Variants in ANOS1 observed in about 807,000 individuals in gnomAD.
ANOS1 encodes anosmin-1.
A neutral mutation model predicts 59.0 loss-of-function variants in ANOS1; 6 were observed. The ratio of observed to expected loss-of-function variants is 0.10; its 90% CI spans 0.06 to 0.20. ANOS1 has a LOEUF of 0.20. ANOS1 is among the 10% of genes least tolerant of loss of function. The pLI is 1.00. For missense variants in ANOS1, 433 were observed against 542.3 expected (o/e 0.80, Z 2.00); for synonymous variants, 217 against 223.4 (o/e 0.97, Z 0.25).
chrX:8,689,783 A>G (rs1439011952), intron 2 of ANOS1, among the ~76,000 whole-genome samples: 1 of 110,028 alleles, frequency 9.1e-6, no homozygotes, highest in Non-Finnish European at 1.9e-5. Context: ...AACAAAAAAA[A>G]AAAAGAGAGA....
chrX:8,638,907 G>A (rs1931614556), intron 2 of ANOS1, among the ~76,000 whole-genome samples: 1 of 111,148 alleles, frequency 9.0e-6, no homozygotes, highest in South Asian at 3.9e-4. Flanking sequence ...TAGAAGTATA[G>A]CAGGCTTTAT....
At chrX:8,550,382 A>T (rs1049687916) in intron 9 of ANOS1, among the ~76,000 whole-genome samples, 1 of 111,958 alleles carries the variant, frequency 8.9e-6, no homozygotes, top group Non-Finnish European at 1.9e-5. Flanking sequence ...ATGTTTGTAG[A>T]TTGGAACACT....
At chrX:8,629,206 C>T (rs748773572) in intron 2 of ANOS1, among the ~76,000 whole-genome samples, 2 of 111,097 alleles carry the variant, frequency 1.8e-5, no homozygotes, top group South Asian at 7.7e-4. Flanking sequence ...CACCACTGCA[C>T]TCTGCAGCCT....
intron 1 of ANOS1, among the ~76,000 whole-genome samples, chrX:8,730,906 G>A (rs1448166015): frequency 2.7e-5 from 3 of 112,730 alleles, no homozygotes; most frequent in African/African-American, 9.6e-5. Flanking sequence ...GCTCTCGTGC[G>A]CCCACCCGCA....
At position 8,729,047 on chromosome X, in the gene ANOS1, C is replaced by T. The variant is rs191130024; in HGVS notation, c.207+2783G>A. Among the ~76,000 whole-genome samples the T allele has an allele frequency of 5.3e-5, 6 of 112,244 alleles. 1 individual carries two copies. The highest frequency in any genetic ancestry group is 4.7e-4 in the Admixed American group (5 of 10,648). Reference sequence around the variant, plus strand: ...TGAGACGACAGCTTCCTCTGCAGGCCGACGACAGCAGGTCACTGCCCCAGG... The same window carrying T: ...TGAGACGACAGCTTCCTCTGCAGGCTGACGACAGCAGGTCACTGCCCCAGG... On this transcript the variant is annotated intron_variant, in intron 1 of 13. Coordinates refer to ENST00000262648, the MANE Select transcript of ANOS1 (RefSeq NM_000216.4).
chrX:8,648,595 A>C (rs948279220), intron 2 of ANOS1, among the ~76,000 whole-genome samples: 1 of 112,157 alleles, frequency 8.9e-6, no homozygotes, highest in Non-Finnish European at 1.9e-5. Flanking sequence ...AGTCTAAAAT[A>C]ATGACAATCA....
chrX:8,610,591 G>T (rs1220852427), intron 3 of ANOS1, among the ~76,000 whole-genome samples: 1 of 111,519 alleles, frequency 9.0e-6, no homozygotes, highest in Non-Finnish European at 1.9e-5. Context: ...AATGTGCATG[G>T]CTTCAAACTG....
intron 2 of ANOS1, among the ~76,000 whole-genome samples, chrX:8,668,508 C>T (rs185635684): frequency 0.02 from 1,482 of 72,366 alleles, 35 homozygotes; most frequent in African/African-American, 0.077. Flanking sequence ...GGTATTCCAT[C>T]ATATATATAT....
At chrX:8,640,902 A>G (rs768918614) in intron 2 of ANOS1, among the ~76,000 whole-genome samples, 144 of 112,283 alleles carry the variant, frequency 1.3e-3, no homozygotes, top group Non-Finnish European at 1.5e-3. Flanking sequence ...GACCAAAGTC[A>G]ATAGTTCAAA....
intron 1 of ANOS1, among the ~76,000 whole-genome samples, chrX:8,700,704 C>T (rs1932749551): frequency 8.9e-6 from 1 of 112,335 alleles, no homozygotes; most frequent in Non-Finnish European, 1.9e-5. Flanking sequence ...AATAGATACA[C>T]TCAATATATA....
chrX:8,620,477 T>C (rs1158613177), intron 3 of ANOS1, among the ~76,000 whole-genome samples: 1 of 111,476 alleles, frequency 9.0e-6, no homozygotes, highest in African/African-American at 3.3e-5. Flanking sequence ...AAGCTTAGAG[T>C]CATGACAATA....
In ANOS1 at chrX:8,562,841, T is replaced by C. The variant is rs1930054497; in HGVS notation, c.1207+5391A>G. On this transcript the variant is annotated intron_variant, in intron 8 of 13. Coordinates refer to ENST00000262648, the MANE Select transcript of ANOS1 (RefSeq NM_000216.4). ...GCCTTCACTTGAATAGAAATGTTTA[T>C]CATTAAAACACCTAGCAGCCTGCAG... Among the ~76,000 whole-genome samples, 3 of 112,545 alleles carry C rather than the reference T, an allele frequency of 2.7e-5. No individual in the cohort carries two copies. In the Admixed American group the frequency reaches 2.8e-4, roughly 11 times the overall value.
At chrX:8,704,746 T>C (rs1932772257) in intron 1 of ANOS1, among the ~76,000 whole-genome samples, 1 of 111,996 alleles carries the variant, frequency 8.9e-6, no homozygotes, top group Middle Eastern at 4.6e-3. Context: ...CCTTGTAAAG[T>C]ATTTATCAAA....
intron 1 of ANOS1, among the ~76,000 whole-genome samples, chrX:8,729,491 C>T (rs1445472036): frequency 2.1e-5 from 2 of 95,947 alleles, no homozygotes; most frequent in African/African-American, 7.9e-5. Context: ...CGCTGCCTCC[C>T]GGGTTCAAGG....
intron 3 of ANOS1, among the ~76,000 whole-genome samples, chrX:8,611,464 A>G (rs1400517870): frequency 9.0e-6 from 1 of 110,655 alleles, no homozygotes; most frequent in Non-Finnish European, 1.9e-5. Context: ...TTTGATTAAA[A>G]TTGTATGTCC....
chrX:8,636,485 T>TGTTTCCAA (rs1470486807), intron 2 of ANOS1, among the ~76,000 whole-genome samples: 4 of 112,336 alleles, frequency 3.6e-5, no homozygotes, highest in Non-Finnish European at 7.5e-5. Context: ...GTTGGCTTAT[T>TGTTTCCAA]GTTTCCAATA....
At chrX:8,614,875 TA>T (rs1246896411) in intron 3 of ANOS1, among the ~76,000 whole-genome samples, 1 of 108,023 alleles carries the variant, frequency 9.3e-6, no homozygotes, top group South Asian at 3.9e-4. Context: ...AAGAAAAATA[TA>T]AAAAAATTTT....
chrX:8,549,221 G>A (rs1179503534), intron 9 of ANOS1, among the ~76,000 whole-genome samples: 2 of 112,327 alleles, frequency 1.8e-5, no homozygotes, highest in African/African-American at 6.5e-5. Context: ...CAGTATTTGA[G>A]AAAACCACTG....
At chrX:8,570,347 T>G in intron 7 of ANOS1, 152 bp downstream of exon 7, 1 of 545,605 alleles carries the variant, frequency 1.8e-6, no homozygotes, top group South Asian at 2.7e-5. Flanking sequence ...GCCCCTGCAT[T>G]CTGTGAACTT....
Sources: allele counts gnomAD v4.1 joint callset (sites outside exome capture counted in the v4.1 genomes callset), GRCh38; gene constraint gnomAD v4.1.1; transcripts MANE v1.5; gene names NCBI Gene and HGNC (gene_info 2026-07-23, HGNC 2026-07-21).